SOS1: variants seen among roughly 807,000 people sequenced by gnomAD.
The protein encoded by SOS1 is SOS Ras/Rac guanine nucleotide exchange factor 1, also known as son of sevenless homolog 1.
In SOS1, 25 loss-of-function variants were observed where a neutral mutation model predicts 157.6. That is an observed-to-expected ratio of 0.16 (90% confidence interval 0.12 to 0.22). SOS1 has a LOEUF of 0.22. SOS1 is among the 10% of genes least tolerant of loss of function. SOS1 has a pLI of 1.00. For synonymous variants in SOS1, 528 were observed against 534.0 expected (o/e 0.99, Z 0.16); for missense variants, 1,237 against 1,599.1 (o/e 0.77, Z 3.86).
intron 1 of SOS1, among the ~76,000 whole-genome samples, chr2:39,097,911 TA>T (rs2058248912): frequency 6.6e-6 from 1 of 152,234 alleles, no homozygotes. Context: ...TGCTGAACAT[TA>T]TTATTTCTTG....
chr2:39,069,617 G>A (rs963759325), intron 1 of SOS1, among the ~76,000 whole-genome samples: 1 of 151,344 alleles, frequency 6.6e-6, no homozygotes, highest in East Asian at 2.0e-4. Context: ...GTGTGATCTC[G>A]GCTCACTGCA....
chr2:39,054,168 C>A (rs1376028948), intron 5 of SOS1, among the ~76,000 whole-genome samples: 1 of 152,210 alleles, frequency 6.6e-6, no homozygotes, highest in Non-Finnish European at 1.5e-5. Context: ...ACCTCGTGAT[C>A]TGCCCGCCTC....
rs530978554 is a variant in SOS1, at chr2:39,012,499, T to C, written c.2168-151A>G. On this transcript the variant is annotated intron_variant, in intron 13 of 22. Transcript: ENST00000402219. ...CAAAATGAAAAATGCAAGTTCTCCT[T>C]TTCCATTTCCCGGTCCCCAATCCTA... is the stretch of plus-strand genomic sequence containing the variant. The C allele has an allele frequency of 5.1e-4, 174 of 342,066 alleles. 1 individual carries two copies. Among genetic ancestry groups the C allele is most frequent in the African/African-American group, 3.6e-3 (170 of 46,588 alleles). The allele number at this position is 342,066 out of a possible 1,614,324, so 21.2% of individuals were successfully genotyped here.
At chr2:39,118,871 C>A (rs538358043) in intron 1 of SOS1, among the ~76,000 whole-genome samples, 13 of 152,246 alleles carry the variant, frequency 8.5e-5, no homozygotes, top group Non-Finnish European at 1.6e-4. Context: ...TAAACAACGT[C>A]TGTCAACTCC....
intron 3 of SOS1, 151 bp downstream of exon 3, chr2:39,058,522 C>T (rs1671292851): frequency 5.6e-6 from 4 of 716,698 alleles, no homozygotes; most frequent in Non-Finnish European, 9.3e-6. Context: ...TCATAGCATC[C>T]CTTCTCACCA....
At chr2:39,012,718 GGATA>G (rs1239125549) in intron 13 of SOS1, among the ~76,000 whole-genome samples, 4 of 151,998 alleles carry the variant, frequency 2.6e-5, no homozygotes, top group Non-Finnish European at 5.9e-5. Context: ...AGATTTATAA[GGATA>G]GATTATACAC....
chr2:39,101,826 G>A (rs993473872), intron 1 of SOS1, among the ~76,000 whole-genome samples: 1 of 152,124 alleles, frequency 6.6e-6, no homozygotes, highest in African/African-American at 2.4e-5. Flanking sequence ...ACAGCTTAAT[G>A]CTACTCACTG....
At chr2:39,031,161 A>T (rs1224380235) in intron 8 of SOS1, among the ~76,000 whole-genome samples, 1 of 152,228 alleles carries the variant, frequency 6.6e-6, no homozygotes, top group African/African-American at 2.4e-5. Flanking sequence ...TGGCAGCCTT[A>T]GGAAACCAAA....
In SOS1 at chr2:39,064,057, C is replaced by T. The variant is rs116612091; in HGVS notation, c.213+3571G>A. ...CCATGTTGCCCAGGCTGGTCCTGAACTCTTGGGCTCAGGCAATCTGCCCAC... is the reference window on the plus strand; with the variant it reads ...CCATGTTGCCCAGGCTGGTCCTGAATTCTTGGGCTCAGGCAATCTGCCCAC... On this transcript the variant is annotated intron_variant, in intron 2 of 22. Coordinates refer to ENST00000402219, the MANE Select transcript of SOS1 (RefSeq NM_005633.4). 8.2e-3 allele frequency among the ~76,000 whole-genome samples: 1,242 copies of T among 152,200 alleles called. 18 individuals are homozygous for T. The highest frequency in any genetic ancestry group is 0.029 in the African/African-American group (1,194 of 41,508).
At chr2:39,106,700 AG>A (rs1427214964) in intron 1 of SOS1, among the ~76,000 whole-genome samples, 5 of 152,152 alleles carry the variant, frequency 3.3e-5, no homozygotes, top group Non-Finnish European at 7.3e-5. Context: ...CAACTCCAAC[AG>A]GAAGTTACCA....
intron 16 of SOS1, 53 bp from the exon 17 acceptor site, chr2:39,006,582 CAA>C: frequency 1.1e-6 from 1 of 894,048 alleles, no homozygotes; most frequent in Non-Finnish European, 1.9e-6. Context: ...AAGGTCTTGT[CAA>C]AAAAAATACT....
At chr2:39,042,016 CAGG>C (rs1670589230) in intron 6 of SOS1, among the ~76,000 whole-genome samples, 1 of 152,076 alleles carries the variant, frequency 6.6e-6, no homozygotes, top group African/African-American at 2.4e-5. Flanking sequence ...TGTCACATTT[CAGG>C]AGAAGTATCT....
Position 38,986,330 on chromosome 2 carries a change from G to C in SOS1, c.3511-15C>G, listed in dbSNP as rs556475282. ...TTAGACATAATCTAACAAATGAAAA[G>C]AATAAAATACACATTTATTAATAAA... On this transcript the variant is annotated splice_polypyrimidine_tract_variant and intron_variant, in intron 22 of 22. Transcript: ENST00000402219. 1 of 1,604,158 alleles carries C rather than the reference G, an allele frequency of 6.2e-7. No homozygotes were observed. The highest frequency in any genetic ancestry group is 1.1e-5 in the South Asian group (1 of 90,764).
chr2:39,014,951 C>A, intron 10 of SOS1, 105 bp from the exon 11 acceptor site: 1 of 750,400 alleles, frequency 1.3e-6, no homozygotes, highest in Non-Finnish European at 2.3e-6. Context: ...TTTAAAAGTT[C>A]CAAAATGTTT....
chr2:39,006,954 A>G, intron 16 of SOS1, 77 bp downstream of exon 16: 1 of 942,516 alleles, frequency 1.1e-6, no homozygotes. Context: ...TTAAAAATTA[A>G]AGATAATAAT....
chr2:39,061,249 TAAAAAAAAA>T (rs68086036), intron 2 of SOS1, among the ~76,000 whole-genome samples: 1 of 117,462 alleles, frequency 8.5e-6, no homozygotes, highest in Non-Finnish European at 1.7e-5. Context: ...TTCGTAGGGT[TAAAAAAAAA>T]AAAAAAAAAA....
chr2:39,086,070 T>C (rs1194019067), intron 1 of SOS1, among the ~76,000 whole-genome samples: 2 of 152,190 alleles, frequency 1.3e-5, no homozygotes, highest in Admixed American at 6.5e-5. Context: ...TACATACCAA[T>C]ATATTGCCAA....
At chr2:39,005,467 C>T (rs1390099525) in intron 17 of SOS1, among the ~76,000 whole-genome samples, 1 of 152,030 alleles carries the variant, frequency 6.6e-6, no homozygotes, top group Non-Finnish European at 1.5e-5. Flanking sequence ...GAATATTATG[C>T]AGCCATTATA....
At chr2:39,049,469 A>G (rs1447847225) in intron 6 of SOS1, among the ~76,000 whole-genome samples, 4 of 152,096 alleles carry the variant, frequency 2.6e-5, no homozygotes, top group African/African-American at 9.7e-5. Context: ...TTATAAATGG[A>G]TCATATTCCT....
Sources: allele counts gnomAD v4.1 joint callset (sites outside exome capture counted in the v4.1 genomes callset), GRCh38; gene constraint gnomAD v4.1.1; transcripts MANE v1.5; gene names NCBI Gene and HGNC (gene_info 2026-07-23, HGNC 2026-07-21).